Variants in COL21A1 observed in about 807,000 individuals in gnomAD.
COL21A1 encodes collagen alpha-1(XXI) chain.
COL21A1 carries 149 observed loss-of-function variants against 137.9 expected under a neutral mutation model. The ratio of observed to expected loss-of-function variants is 1.08; its 90% CI spans 0.95 to 1.24. COL21A1 has a LOEUF of 1.24. COL21A1 is among the 50% of genes most tolerant of loss of function. COL21A1 has a pLI of 0.00. For missense variants in COL21A1, 1,167 were observed against 1,158.4 expected (o/e 1.01, Z -0.11); for synonymous variants, 456 against 391.5 (o/e 1.16, Z -1.95).
intron 17 of COL21A1, among the ~76,000 whole-genome samples, chr6:56,093,561 A>G (rs550172478): frequency 6.6e-6 from 1 of 152,302 alleles, no homozygotes; most frequent in East Asian, 1.9e-4. Context: ...ATCCAGCAGA[A>G]AAAATTCCAT....
chr6:56,374,720 CAAA>C (rs34067784), intron 1 of COL21A1, among the ~76,000 whole-genome samples: 41 of 86,378 alleles, frequency 4.7e-4, no homozygotes, highest in African/African-American at 9.9e-4. Context: ...GACTTCGTCT[CAAA>C]AAAAAAAAAA....
chr6:56,363,388 G>C (rs979532683), intron 1 of COL21A1, among the ~76,000 whole-genome samples: 3 of 152,190 alleles, frequency 2.0e-5, no homozygotes, highest in Non-Finnish European at 4.4e-5. Flanking sequence ...TTTCTGATCT[G>C]AAAACTGAGG....
chr6:56,303,993 G>A (rs1582767748), intron 1 of COL21A1, among the ~76,000 whole-genome samples: 1 of 152,158 alleles, frequency 6.6e-6, no homozygotes, highest in Admixed American at 6.5e-5. Flanking sequence ...AGAGAATCAT[G>A]CGGTTTTTGT....
rs981131668 is a variant in COL21A1, at chr6:56,320,106, T to C, written c.-39+73865A>G. Among the ~76,000 whole-genome samples, 3 of 152,108 alleles carry C rather than the reference T, an allele frequency of 2.0e-5. No homozygotes were observed. In the South Asian group the frequency reaches 6.2e-4, roughly 31 times the overall value. ...ACATATCTTAAACTGGCATCTTACC[T>C]TCTGCCATCCCCCAAATTATGTCTC... is the stretch of plus-strand genomic sequence containing the variant. On this transcript the variant is annotated intron_variant, in intron 1 of 28. Transcript: ENST00000370819.
At chr6:56,338,122 T>C (rs1273143740) in intron 1 of COL21A1, among the ~76,000 whole-genome samples, 1 of 151,758 alleles carries the variant, frequency 6.6e-6, no homozygotes, top group African/African-American at 2.4e-5. Flanking sequence ...GCCACCATGC[T>C]TGACTAATTT....
At chr6:56,385,249 G>A (rs2094015796) in intron 1 of COL21A1, among the ~76,000 whole-genome samples, 1 of 152,216 alleles carries the variant, frequency 6.6e-6, no homozygotes, top group Non-Finnish European at 1.5e-5. Context: ...CAGGTCTTTT[G>A]CTTTGCTTCG....
At chr6:56,281,018 A>G (rs1183761472) in intron 1 of COL21A1, among the ~76,000 whole-genome samples, 1 of 150,056 alleles carries the variant, frequency 6.7e-6, no homozygotes, top group East Asian at 1.9e-4. Flanking sequence ...AAATAAAGAT[A>G]AAAAAAGTAA....
chr6:56,280,055 G>A (rs529218813), intron 1 of COL21A1, among the ~76,000 whole-genome samples: 12 of 152,000 alleles, frequency 7.9e-5, no homozygotes, highest in Non-Finnish European at 1.5e-4. Flanking sequence ...CACTACATAC[G>A]TTACCTTCCA....
At chr6:56,161,286 C>G (rs889904944) in intron 9 of COL21A1, among the ~76,000 whole-genome samples, 1 of 152,140 alleles carries the variant, frequency 6.6e-6, no homozygotes, top group Non-Finnish European at 1.5e-5. Context: ...CACTTCTGAC[C>G]TAATACATCT....
chr6:56,234,645 C>T (rs1781789099), intron 1 of COL21A1, among the ~76,000 whole-genome samples: 1 of 151,654 alleles, frequency 6.6e-6, no homozygotes, highest in African/African-American at 2.4e-5. Flanking sequence ...TCATCTCCAT[C>T]ACCAGCAGAA....
At chr6:56,091,744 C>A (rs1432545418) in intron 17 of COL21A1, 5 of 152,170 alleles carry the variant, frequency 3.3e-5, no homozygotes, top group Admixed American at 3.3e-4. Context: ...ATAGCTATGA[C>A]AAAGCAGCAG....
At chr6:56,065,100 C>T (rs1245680019) in intron 23 of COL21A1, among the ~76,000 whole-genome samples, 4 of 151,928 alleles carry the variant, frequency 2.6e-5, no homozygotes, top group African/African-American at 9.7e-5. Flanking sequence ...AGCTTTAAAG[C>T]AGCATAAATA....
chr6:56,083,186 C>T (rs768052841), intron 17 of COL21A1, among the ~76,000 whole-genome samples: 7 of 152,014 alleles, frequency 4.6e-5, no homozygotes, highest in East Asian at 3.9e-4. Context: ...TGGAGTCTCT[C>T]GGAAAGAATC....
intron 17 of COL21A1, among the ~76,000 whole-genome samples, chr6:56,091,003 T>C (rs1467010016): frequency 2.0e-5 from 3 of 152,084 alleles, no homozygotes; most frequent in East Asian, 1.9e-4. Flanking sequence ...AAAACAATAA[T>C]AGAACTAGTG....
chr6:56,351,993 G>A (rs1765720745), intron 1 of COL21A1, among the ~76,000 whole-genome samples: 2 of 152,160 alleles, frequency 1.3e-5, no homozygotes, highest in Non-Finnish European at 1.5e-5. Flanking sequence ...TAATGGCCAG[G>A]TGCAGTTGTA....
At chr6:56,135,180 C>A (rs1197159530) in intron 12 of COL21A1, among the ~76,000 whole-genome samples, 1 of 151,810 alleles carries the variant, frequency 6.6e-6, no homozygotes, top group East Asian at 1.9e-4. Context: ...GGCTAAAATT[C>A]CAAAAACCAA....
chr6:56,308,646 T>C (rs928414734), intron 1 of COL21A1, among the ~76,000 whole-genome samples: 20 of 152,182 alleles, frequency 1.3e-4, no homozygotes, highest in African/African-American at 4.6e-4. Flanking sequence ...GCTCTAGATA[T>C]CTACCATAAA....
chr6:56,101,742 C>T (rs1236334882), intron 16 of COL21A1, among the ~76,000 whole-genome samples: 3 of 146,186 alleles, frequency 2.1e-5, no homozygotes, highest in Non-Finnish European at 1.5e-5. Flanking sequence ...TACATAATGG[C>T]AGATAATTAA....
In COL21A1 at chr6:56,179,803, C is replaced by T. The variant is rs1777761123; in HGVS notation, c.415G>A (p.Ala139Thr). ...AKSSRFLTKI[A>T]VVLTDGKSQD... is the part of the protein sequence containing the mutation. ...GATTTGCCATCCGTAAGTACCACTGCTATCTTAGTCAGAAATCGTGAGGAC... is the reference window on the plus strand; with the variant it reads ...GATTTGCCATCCGTAAGTACCACTGTTATCTTAGTCAGAAATCGTGAGGAC... The change falls in exon 3 of 30, where the codon GCA (alanine) becomes ACA (threonine). Residue 139 changes from alanine (A) to threonine (T), a missense_variant. Coordinates refer to ENST00000244728, the MANE Select transcript of COL21A1 (RefSeq NM_030820.4). The T allele has an allele frequency of 1.9e-6, 3 of 1,613,800 alleles. No homozygotes were observed. Among genetic ancestry groups the T allele is most frequent in the South Asian group, 2.2e-5 (2 of 91,072 alleles).
Sources: allele counts gnomAD v4.1 joint callset (sites outside exome capture counted in the v4.1 genomes callset), GRCh38; gene constraint gnomAD v4.1.1; transcripts MANE v1.5; gene names NCBI Gene and HGNC (gene_info 2026-07-23, HGNC 2026-07-21).